The following UST variants were observed in gnomAD, a reference collection of about 807,000 sequenced individuals.
The protein encoded by UST is chondroitin sulfate 2-O-sulfotransferase.
A neutral mutation model predicts 45.6 loss-of-function variants in UST; 21 were observed. The observed-to-expected ratio is 0.46, with a 90% confidence interval of 0.33 to 0.66. The LOEUF (loss-of-function observed/expected upper bound fraction) is 0.66, where lower values mean the gene tolerates loss of function less well. UST is among the 30% of genes least tolerant of loss of function. The pLI is 0.02. For synonymous variants in UST, 215 were observed against 200.6 expected, an observed-to-expected ratio of 1.07 and a Z score of -0.61; for missense variants, 463 against 512.4, an observed-to-expected ratio of 0.90 and a Z score of 0.93.
Position 148,907,703 on chromosome 6 carries a change from C to T in UST, c.291+20674C>T, listed in dbSNP as rs144845505. Reference sequence around the variant, plus strand: ...ACTAGTTTCAGGGTGTAAAAATCCCCGATGCAGAGAACATTCTGCAACTCT... The same window carrying T: ...ACTAGTTTCAGGGTGTAAAAATCCCTGATGCAGAGAACATTCTGCAACTCT... On this transcript the variant is annotated intron_variant, in intron 2 of 7. Transcript: ENST00000367463. Among the ~76,000 whole-genome samples, 724 of 152,180 alleles carry T rather than the reference C, an allele frequency of 4.8e-3. 6 individuals are homozygous for T. Among genetic ancestry groups the T allele is most frequent in the African/African-American group, 0.016 (667 of 41,512 alleles).
At chr6:149,067,616 G>T (rs1481465313) in intron 7 of UST, among the ~76,000 whole-genome samples, 1 of 152,158 alleles carries the variant, frequency 6.6e-6, no homozygotes, top group African/African-American at 2.4e-5. Flanking sequence ...TGTCAGGCTG[G>T]TAAGGTGACA....
At chr6:148,905,883 C>T (rs1394196249) in intron 2 of UST, among the ~76,000 whole-genome samples, 2 of 152,186 alleles carry the variant, frequency 1.3e-5, no homozygotes, top group African/African-American at 4.8e-5. Flanking sequence ...TCTTCTGTAA[C>T]AATAGCTGGC....
At chr6:148,789,989 C>CTTTTT (rs56987468) in intron 1 of UST, among the ~76,000 whole-genome samples, 1 of 127,036 alleles carries the variant, frequency 7.9e-6, no homozygotes, top group Non-Finnish European at 1.6e-5. Flanking sequence ...TTTCAGGATT[C>CTTTTT]TTTTTTTTTT....
intron 7 of UST, among the ~76,000 whole-genome samples, chr6:149,047,455 A>C (rs1249990750): frequency 6.6e-6 from 1 of 152,262 alleles, no homozygotes; most frequent in East Asian, 1.9e-4. Context: ...GTCAGAGTCA[A>C]GGAAACACAT....
intron 1 of UST, among the ~76,000 whole-genome samples, chr6:148,749,049 C>T (rs916957669): frequency 2.0e-5 from 3 of 152,078 alleles, no homozygotes; most frequent in African/African-American, 7.2e-5. Flanking sequence ...ATATTCTTTA[C>T]CTTGTACAAG....
chr6:149,033,181 G>A (rs1029213973), intron 7 of UST, among the ~76,000 whole-genome samples: 2 of 152,200 alleles, frequency 1.3e-5, no homozygotes, highest in African/African-American at 2.4e-5. Flanking sequence ...AGGAATTAAT[G>A]TGGTGATGTG....
intron 1 of UST, among the ~76,000 whole-genome samples, chr6:148,771,876 G>T (rs1362391174): frequency 6.6e-6 from 1 of 152,122 alleles, no homozygotes; most frequent in Non-Finnish European, 1.5e-5. Context: ...TGTTACCATT[G>T]TCCAGTCTAA....
chr6:148,910,808 C>T (rs1332957739), intron 2 of UST, among the ~76,000 whole-genome samples: 1 of 152,120 alleles, frequency 6.6e-6, no homozygotes, highest in African/African-American at 2.4e-5. Context: ...TAAATAAACC[C>T]AGCACAGGAA....
chr6:148,987,864 A>T (rs1200420104), intron 5 of UST, among the ~76,000 whole-genome samples: 1 of 152,112 alleles, frequency 6.6e-6, no homozygotes, highest in Non-Finnish European at 1.5e-5. Flanking sequence ...TCAGACGTGT[A>T]TTCGTTCAGC....
At chr6:148,760,213 A>G (rs1776186292) in intron 1 of UST, among the ~76,000 whole-genome samples, 1 of 152,222 alleles carries the variant, frequency 6.6e-6, no homozygotes, top group Non-Finnish European at 1.5e-5. Flanking sequence ...AACTTGCTCT[A>G]GAAATTAGGG....
intron 1 of UST, among the ~76,000 whole-genome samples, chr6:148,822,463 A>G (rs1777486473): frequency 6.6e-6 from 1 of 152,202 alleles, no homozygotes; most frequent in Non-Finnish European, 1.5e-5. Context: ...AAAAGACGTG[A>G]TAATTCTTAA....
At chr6:148,887,895 G>GT (rs1373861090) in intron 2 of UST, among the ~76,000 whole-genome samples, 1 of 152,150 alleles carries the variant, frequency 6.6e-6, no homozygotes, top group Admixed American at 6.6e-5. Flanking sequence ...CCTGTACTTG[G>GT]TTGTTTTCTT....
chr6:148,953,218 A>G (rs911217014), intron 3 of UST, among the ~76,000 whole-genome samples: 1 of 152,230 alleles, frequency 6.6e-6, no homozygotes, highest in East Asian at 1.9e-4. Context: ...CATTTACAGA[A>G]TAAGATAATG....
intron 1 of UST, among the ~76,000 whole-genome samples, chr6:148,863,866 C>T (rs1267614728): frequency 1.3e-5 from 2 of 152,156 alleles, no homozygotes; most frequent in East Asian, 3.9e-4. Flanking sequence ...CTTCTGGAAG[C>T]TTTGTCTCAG....
At chr6:148,770,841 C>T (rs573070335) in intron 1 of UST, among the ~76,000 whole-genome samples, 1 of 152,228 alleles carries the variant, frequency 6.6e-6, no homozygotes, top group Admixed American at 6.5e-5. Flanking sequence ...TCACCGAGGT[C>T]CTTTGCCTTT....
At chr6:148,861,778 G>A (rs902368805) in intron 1 of UST, among the ~76,000 whole-genome samples, 1 of 152,160 alleles carries the variant, frequency 6.6e-6, no homozygotes, top group Non-Finnish European at 1.5e-5. Context: ...TCAGGAGCAG[G>A]TCATTCAGTT....
intron 1 of UST, among the ~76,000 whole-genome samples, chr6:148,847,763 G>C (rs965928200): frequency 6.6e-6 from 1 of 152,174 alleles, no homozygotes; most frequent in Non-Finnish European, 1.5e-5. Flanking sequence ...AGTTTCAGGG[G>C]CTCCAGCTTT....
intron 2 of UST, among the ~76,000 whole-genome samples, chr6:148,901,294 G>A (rs1779251276): frequency 1.3e-5 from 2 of 152,160 alleles, no homozygotes; most frequent in Non-Finnish European, 2.9e-5. Flanking sequence ...ATTCCAGATT[G>A]GAAATCCATA....
At chr6:148,882,210 G>C (rs532344793) in intron 1 of UST, among the ~76,000 whole-genome samples, 1 of 152,040 alleles carries the variant, frequency 6.6e-6, no homozygotes, top group South Asian at 2.1e-4. Flanking sequence ...TTCTGGTTGG[G>C]CGCAGTGGCT....
Sources: allele counts gnomAD v4.1 joint callset (sites outside exome capture counted in the v4.1 genomes callset), GRCh38; gene constraint gnomAD v4.1.1; transcripts MANE v1.5; gene names NCBI Gene and HGNC (gene_info 2026-07-23, HGNC 2026-07-21).